LHPP: variants seen among roughly 807,000 people sequenced by gnomAD.
The protein encoded by LHPP is hLHPP.
LHPP carries 24 observed loss-of-function variants against 30.3 expected under a neutral mutation model. The ratio of observed to expected loss-of-function variants is 0.79; its 90% CI spans 0.57 to 1.11. LHPP has a LOEUF of 1.11. Ranked by LOEUF, LHPP falls within the 50% of genes most tolerant of loss-of-function variation. The pLI is 0.00. For synonymous variants in LHPP, 150 were observed against 157.1 expected (o/e 0.95, Z 0.34); for missense variants, 356 against 367.2 (o/e 0.97, Z 0.25).
In LHPP at chr10:124,590,475, G is replaced by A. The variant is rs541874272; in HGVS notation, c.717-22789G>A. On this transcript the variant is annotated intron_variant, in intron 6 of 6. Coordinates refer to ENST00000368842, the MANE Select transcript of LHPP (RefSeq NM_022126.4). This position sits in a 1 kb window ranked among gnomAD's most constrained non-coding sequence, Gnocchi z 4.3. ...ATGGTGAGCAACTCCAGGCTACCCC[G>A]AGAAAGCCGCTGTGTGACCCCATTA... Among the ~76,000 whole-genome samples the A allele has an allele frequency of 1.1e-3, 160 of 152,252 alleles. No individual in the cohort carries two copies. Among genetic ancestry groups the A allele is most frequent in the African/African-American group, 3.8e-3 (156 of 41,548 alleles).
intron 6 of LHPP, among the ~76,000 whole-genome samples, chr10:124,602,097 G>C (rs996310340): frequency 2.6e-5 from 4 of 152,208 alleles, no homozygotes; most frequent in African/African-American, 9.7e-5. Context: ...GAGTCAACCA[G>C]CCCACCAGAG....
chr10:124,512,152 C>G (rs1398344422), intron 5 of LHPP, among the ~76,000 whole-genome samples: 1 of 152,204 alleles, frequency 6.6e-6, no homozygotes, highest in Non-Finnish European at 1.5e-5. Flanking sequence ...CTGCATGTGT[C>G]TGATTCACAC....
At chr10:124,526,549 G>A (rs890333082) in intron 6 of LHPP, among the ~76,000 whole-genome samples, 3 of 152,170 alleles carry the variant, frequency 2.0e-5, no homozygotes, top group Non-Finnish European at 2.9e-5. Flanking sequence ...AGCAGGGGCC[G>A]GGCCTCACAA....
intron 3 of LHPP, 77 bp downstream of exon 3, chr10:124,488,652 C>G: frequency 7.3e-7 from 1 of 1,371,306 alleles, no homozygotes; most frequent in Non-Finnish European, 1.0e-6. Flanking sequence ...CGGAATCAGG[C>G]AGAGAAGGAT....
At chr10:124,485,018 T>C (rs2133850180) in intron 2 of LHPP, among the ~76,000 whole-genome samples, 1 of 152,290 alleles carries the variant, frequency 6.6e-6, no homozygotes, top group African/African-American at 2.4e-5. Flanking sequence ...TCTTCCTTCC[T>C]CTGCACTTGA....
At position 124,596,027 on chromosome 10, in the gene LHPP, G is replaced by C. The variant is rs4962669; in HGVS notation, c.717-17237G>C. Reference sequence around the variant, plus strand: ...GCCTGACGGTAAACTTGAGGTGAATGGGCTCCTACCCATGAACACCCACCG... The same window carrying C: ...GCCTGACGGTAAACTTGAGGTGAATCGGCTCCTACCCATGAACACCCACCG... On this transcript the variant is annotated intron_variant, in intron 6 of 6. Coordinates refer to ENST00000368842, the MANE Select transcript of LHPP (RefSeq NM_022126.4). This position sits in a 1 kb window ranked among gnomAD's most constrained non-coding sequence, Gnocchi z 4.6. Among the ~76,000 whole-genome samples, 18,088 of 151,992 alleles carry C rather than the reference G, an allele frequency of 0.12. 1,247 individuals carry two copies. The highest frequency in any genetic ancestry group is 0.25 in the East Asian group (1,283 of 5,122).
At position 124,527,048 on chromosome 10, in the gene LHPP, C is replaced by T. The variant is rs563275121; in HGVS notation, c.716+9777C>T. Among the ~76,000 whole-genome samples the T allele has an allele frequency of 5.3e-5, 8 of 152,364 alleles. No homozygotes were observed. The South Asian group carries it at 1.7e-3, about 32-fold the overall frequency. On this transcript the variant is annotated intron_variant, in intron 6 of 6. Coordinates refer to ENST00000368842, the MANE Select transcript of LHPP (RefSeq NM_022126.4). ...CTCTGCTGGATGCCCCCAGGGCTGC[C>T]AGAGCCTGCCCGCCACAGAGCCCCT...
chr10:124,610,124 G>C (rs115908375), intron 6 of LHPP, among the ~76,000 whole-genome samples: 2 of 152,188 alleles, frequency 1.3e-5, no homozygotes, highest in African/African-American at 4.8e-5. Context: ...CAGCACTGAC[G>C]CAGGATTGCG....
intron 6 of LHPP, among the ~76,000 whole-genome samples, chr10:124,585,851 C>T (rs538049191): frequency 2.0e-5 from 3 of 152,090 alleles, no homozygotes; most frequent in African/African-American, 7.2e-5. Context: ...GTGGCACAAT[C>T]TTGGCTCACT....
intron 6 of LHPP, among the ~76,000 whole-genome samples, chr10:124,560,159 T>C (rs1948371109): frequency 6.6e-6 from 1 of 152,260 alleles, no homozygotes. Flanking sequence ...TTGTTGTATA[T>C]GGAGAGAGGA....
intron 6 of LHPP, among the ~76,000 whole-genome samples, chr10:124,530,621 A>T (rs1227179291): frequency 6.6e-6 from 1 of 151,406 alleles, no homozygotes; most frequent in African/African-American, 2.4e-5. Context: ...CACCCCACTC[A>T]TTCCCTCCCA....
chr10:124,513,807 C>G (rs376910582), intron 5 of LHPP, among the ~76,000 whole-genome samples: 3 of 150,274 alleles, frequency 2.0e-5, no homozygotes, highest in African/African-American at 7.4e-5. Flanking sequence ...AAAAAAAGAG[C>G]ATGAGTCCAT....
chr10:124,501,541 G>T (rs925779083), intron 5 of LHPP, among the ~76,000 whole-genome samples: 1 of 149,996 alleles, frequency 6.7e-6, no homozygotes, highest in African/African-American at 2.5e-5. Context: ...GGTGGAGATT[G>T]CAGTGAGCCG....
At chr10:124,530,457 G>A (rs1954868673) in intron 6 of LHPP, among the ~76,000 whole-genome samples, 1 of 152,090 alleles carries the variant, frequency 6.6e-6, no homozygotes, top group African/African-American at 2.4e-5. Context: ...GCGCACGCCA[G>A]GCCCCACAGG....
At chr10:124,612,261 C>T (rs1411462200) in intron 6 of LHPP, among the ~76,000 whole-genome samples, 1 of 152,132 alleles carries the variant, frequency 6.6e-6, no homozygotes, top group Admixed American at 6.5e-5. Flanking sequence ...ACAAAAAAAG[C>T]CGGGCGTGGT....
At chr10:124,564,924 A>G (rs1391956299) in intron 6 of LHPP, among the ~76,000 whole-genome samples, 1 of 152,248 alleles carries the variant, frequency 6.6e-6, no homozygotes, top group Non-Finnish European at 1.5e-5. Context: ...AAAACCAAAC[A>G]TCTTATGTTC....
chr10:124,495,295 G>C (rs780462336), intron 3 of LHPP, among the ~76,000 whole-genome samples: 5 of 152,102 alleles, frequency 3.3e-5, no homozygotes, highest in East Asian at 3.9e-4. Context: ...TGGGGTTCAC[G>C]TGGAGAGTCC....
chr10:124,589,856 G>C (rs566993727), intron 6 of LHPP, among the ~76,000 whole-genome samples: 1 of 152,110 alleles, frequency 6.6e-6, no homozygotes, highest in Non-Finnish European at 1.5e-5. Flanking sequence ...CTCCAGCCCC[G>C]CTCGGCTCTG....
chr10:124,521,074 C>T (rs1042704198), intron 6 of LHPP, among the ~76,000 whole-genome samples: 1 of 152,100 alleles, frequency 6.6e-6, no homozygotes, highest in African/African-American at 2.4e-5. Flanking sequence ...CCTTCTCCCT[C>T]CAGATGGTAC....
Sources: allele counts gnomAD v4.1 joint callset (sites outside exome capture counted in the v4.1 genomes callset), GRCh38; gene constraint gnomAD v4.1.1; non-coding constraint Gnocchi (gnomAD v3.1); transcripts MANE v1.5; gene names NCBI Gene and HGNC (gene_info 2026-07-23, HGNC 2026-07-21).